The following DZIP1 variants were observed in gnomAD, a reference collection of about 807,000 sequenced individuals.
The protein encoded by DZIP1 is cilium assembly protein DZIP1.
Under a neutral mutation model 107.6 loss-of-function variants are expected in DZIP1, and 97 were observed. That is an observed-to-expected ratio of 0.90 (90% confidence interval 0.77 to 1.07). The LOEUF is 1.07. DZIP1 is among the 50% of genes least tolerant of loss of function. The pLI, the probability that DZIP1 is intolerant of heterozygous loss-of-function variation, is 0.00. For missense variants in DZIP1, 1,035 were observed against 1,063.6 expected (o/e 0.97, Z 0.37); for synonymous variants, 390 against 386.4 (o/e 1.01, Z -0.11).
chr13:95,641,307 G>A lies in DZIP1; in HGVS notation c.585C>T (p.Ala195=). 1 of 1,584,986 alleles carries A rather than the reference G, an allele frequency of 6.3e-7. No individual in the cohort carries two copies. Among genetic ancestry groups the A allele is most frequent in the Non-Finnish European group, 8.6e-7 (1 of 1,159,938 alleles). Residue 195 remains alanine, a synonymous_variant, in exon 5 of 23, where the codon GCC becomes GCT. Coordinates refer to ENST00000376829, the MANE Select transcript of DZIP1 (RefSeq NM_198968.4). This position sits in a 1 kb window ranked among gnomAD's most constrained non-coding sequence, Gnocchi z 4.3. ...CACAGCTGCCCACCTGGTAATAGTT[G>A]GCTTTGGCCTCGATCATCAGCTGCT... is the stretch of plus-strand genomic sequence containing the variant. ...STQQLMIEAK[A]NYYQCHFCDK...
intron 15 of DZIP1, among the ~76,000 whole-genome samples, chr13:95,599,059 A>T (rs2044539531): frequency 6.6e-6 from 1 of 152,214 alleles, no homozygotes; most frequent in Non-Finnish European, 1.5e-5. Context: ...GTGTGTCTAT[A>T]TATCATCTCA....
chr13:95,623,429 G>A (rs1347136032), intron 8 of DZIP1, among the ~76,000 whole-genome samples: 2 of 152,112 alleles, frequency 1.3e-5, no homozygotes, highest in Non-Finnish European at 2.9e-5. Context: ...AGGTAGCCAA[G>A]GTCAATAGCA....
chr13:95,599,827 A>G (rs941884513), intron 14 of DZIP1, among the ~76,000 whole-genome samples: 5 of 152,238 alleles, frequency 3.3e-5, no homozygotes, highest in African/African-American at 1.2e-4. Context: ...AAAATTCCCA[A>G]GGTCCTGGGA....
chr13:95,622,896 CCA>C (rs1325731017), intron 8 of DZIP1, among the ~76,000 whole-genome samples: 1 of 152,076 alleles, frequency 6.6e-6, no homozygotes, highest in African/African-American at 2.4e-5. Flanking sequence ...GCGTGCACCA[CCA>C]CACCCAGATA....
chr13:95,580,570 AT>A lies in DZIP1; in HGVS notation c.*1663del, dbSNP rs2043999364. 1 of 152,184 alleles carries A rather than the reference AT, an allele frequency of 6.6e-6. No individual in the cohort carries two copies. Among genetic ancestry groups the A allele is most frequent in the Non-Finnish European group, 1.5e-5 (1 of 68,030 alleles). 9.4% of individuals were successfully genotyped at this position (152,184 alleles called of 1,614,324 possible). A position where few individuals can be genotyped will look rare whatever the true frequency, so the allele number is the denominator to read the frequency against. ...TGTATGGCTTCTGGCAACTTACTTAATAACTCTGTTTCTCACACCTTTAGGA... is the reference window on the plus strand; with the variant it reads ...TGTATGGCTTCTGGCAACTTACTTAAAACTCTGTTTCTCACACCTTTAGGA... On this transcript the variant is annotated 3_prime_UTR_variant, in exon 23 of 23. Coordinates refer to ENST00000376829, the MANE Select transcript of DZIP1 (RefSeq NM_198968.4).
intron 6 of DZIP1, among the ~76,000 whole-genome samples, chr13:95,631,402 G>A (rs552874195): frequency 2.0e-5 from 3 of 152,192 alleles, no homozygotes; most frequent in South Asian, 4.2e-4. Flanking sequence ...AGGAGAAGGA[G>A]GTTGCAGTGA....
At chr13:95,620,347 C>G (rs1272921437) in intron 9 of DZIP1, among the ~76,000 whole-genome samples, 1 of 152,194 alleles carries the variant, frequency 6.6e-6, no homozygotes, top group Non-Finnish European at 1.5e-5. Context: ...GCCTATGGAA[C>G]TGTGAGTCAA....
Position 95,579,213 on chromosome 13 carries a change from T to C in DZIP1, c.*3021A>G, listed in dbSNP as rs2043981106. The stretch of plus-strand genomic sequence containing the variant: ...CAGAACTGACGGGCCGAGTTCTATC[T>C]AGGTGTGTCTTCCAGAACCTGTTTA... On this transcript the variant is annotated 3_prime_UTR_variant, in exon 23 of 23. Transcript: ENST00000376829. The C allele has an allele frequency of 6.6e-6, 1 of 152,240 alleles. No homozygotes were observed. Among genetic ancestry groups the C allele is most frequent in the Non-Finnish European group, 1.5e-5 (1 of 68,048 alleles). 9.4% of individuals were successfully genotyped at this position (152,240 alleles called of 1,614,324 possible). A position where few individuals can be genotyped will look rare whatever the true frequency, so the allele number is the denominator to read the frequency against.
chr13:95,642,278 G>C (rs1878624809), intron 3 of DZIP1, 37 bp from the exon 4 acceptor site: 1 of 459,362 alleles, frequency 2.2e-6, no homozygotes, highest in East Asian at 3.7e-5. Context: ...ACGAGCCCGA[G>C]TGGACACAGC....
At chr13:95,623,703 G>T (rs1198629342) in intron 8 of DZIP1, among the ~76,000 whole-genome samples, 1 of 152,178 alleles carries the variant, frequency 6.6e-6, no homozygotes, top group Non-Finnish European at 1.5e-5. Flanking sequence ...CACTTTGGGA[G>T]GCCCAAGTGG....
Position 95,587,621 on chromosome 13 carries a change from G to A in DZIP1, c.2136C>T (p.Phe712=), listed in dbSNP as rs377335041. 23 of 1,613,944 alleles carry A rather than the reference G, an allele frequency of 1.4e-5. No homozygotes were observed. In the African/African-American group the frequency reaches 2.8e-4, roughly 20 times the overall value. The change falls in exon 20 of 23, where the codon TTC becomes TTT. Residue 712 remains phenylalanine, a synonymous_variant. Transcript: ENST00000376829. ...PVPPPQNKGS[F]GKNTVKSDAD... is the part of the protein sequence containing the mutation. ...CGTCACTTTTCACTGTGTTCTTCCC[G>A]AAGCTGCCCTTGTTTTGTGGTGGCG...
chr13:95,609,751 T>C (rs995388871), intron 12 of DZIP1, among the ~76,000 whole-genome samples: 20 of 152,202 alleles, frequency 1.3e-4, no homozygotes, highest in African/African-American at 4.6e-4. Flanking sequence ...TATTCCTCCC[T>C]AACCTGAGCT....
At chr13:95,599,773 C>T (rs2044560582) in intron 14 of DZIP1, among the ~76,000 whole-genome samples, 1 of 152,178 alleles carries the variant, frequency 6.6e-6, no homozygotes, top group African/African-American at 2.4e-5. Context: ...AATCAAGTGG[C>T]TAAACAGAAA....
chr13:95,621,643 G>C (rs1399401149), intron 9 of DZIP1, among the ~76,000 whole-genome samples: 4 of 150,082 alleles, frequency 2.7e-5, no homozygotes. Flanking sequence ...AAATGTAACA[G>C]ATCATCAGCT....
At chr13:95,644,120 G>C (rs1301473380) in intron 1 of DZIP1, among the ~76,000 whole-genome samples, 1 of 152,124 alleles carries the variant, frequency 6.6e-6, no homozygotes, top group African/African-American at 2.4e-5. Context: ...CTTGCGCGGC[G>C]CCTCAAGTCC....
chr13:95,610,111 T>TGTTTGTGTGTGTGTGAGA (rs368276400), intron 12 of DZIP1, among the ~76,000 whole-genome samples: 1 of 126,666 alleles, frequency 7.9e-6, no homozygotes, highest in Non-Finnish European at 1.7e-5. Context: ...TGTGTGTGTG[T>TGTTTGTGTGTGTGTGAGA]GAGAGAGAGA....
intron 13 of DZIP1, among the ~76,000 whole-genome samples, chr13:95,608,447 GTT>G (rs58952039): frequency 0.02 from 2,727 of 138,264 alleles, 80 homozygotes; most frequent in African/African-American, 0.067. Context: ...ATAGACTTGG[GTT>G]TTTTTTTTTT....
intron 9 of DZIP1, 119 bp downstream of exon 9, chr13:95,622,224 A>G (rs1452736516): frequency 4.7e-6 from 6 of 1,264,056 alleles, no homozygotes; most frequent in Non-Finnish European, 5.5e-6. Context: ...AATAACAGCT[A>G]GTCACCTTCA....
At chr13:95,635,922 A>AAGGTAGGGAGGTAAGG (rs1877742831) in intron 5 of DZIP1, among the ~76,000 whole-genome samples, 1 of 148,006 alleles carries the variant, frequency 6.8e-6, no homozygotes, top group Non-Finnish European at 1.5e-5. Flanking sequence ...AGGGGAAAAA[A>AAGGTAGGGAGGTAAGG]AGGTAGGGAG....
Sources: allele counts gnomAD v4.1 joint callset (sites outside exome capture counted in the v4.1 genomes callset), GRCh38; gene constraint gnomAD v4.1.1; non-coding constraint Gnocchi (gnomAD v3.1); transcripts MANE v1.5; gene names NCBI Gene and HGNC (gene_info 2026-07-23, HGNC 2026-07-21).